The following ELAVL4 variants were observed in gnomAD, a reference collection of about 807,000 sequenced individuals.
ELAVL4 encodes the protein ELAV-like protein 4.
In ELAVL4, 1 loss-of-function variant was observed where a neutral mutation model predicts 35.6. That is an observed-to-expected ratio of 0.03 (90% CI 0.01 to 0.13). The LOEUF is 0.13. ELAVL4 is among the 10% of genes least tolerant of loss of function. The pLI is 1.00. For missense variants in ELAVL4, 267 were observed against 464.9 expected, an observed-to-expected ratio of 0.57 and a Z score of 3.91; for synonymous variants, 156 against 171.0, an observed-to-expected ratio of 0.91 and a Z score of 0.69.
chr1:50,121,261 T>C (rs1668984145), intron 1 of ELAVL4, among the ~76,000 whole-genome samples: 1 of 152,070 alleles, frequency 6.6e-6, no homozygotes, highest in Non-Finnish European at 1.5e-5. Flanking sequence ...TAAAACAGAA[T>C]GAATACAACT....
At chr1:50,125,473 T>C (rs1669748008) in intron 1 of ELAVL4, among the ~76,000 whole-genome samples, 1 of 151,964 alleles carries the variant, frequency 6.6e-6, no homozygotes, top group South Asian at 2.1e-4. Flanking sequence ...GTCCAACTAC[T>C]AACTCTTGGA....
intron 1 of ELAVL4, among the ~76,000 whole-genome samples, chr1:50,138,620 C>T (rs930028189): frequency 6.6e-6 from 1 of 152,054 alleles, no homozygotes; most frequent in Admixed American, 6.6e-5. Flanking sequence ...CACCCGCCAT[C>T]ATGCCTGGCA....
chr1:50,188,745 C>G (rs1412026841), intron 3 of ELAVL4, among the ~76,000 whole-genome samples: 4 of 152,220 alleles, frequency 2.6e-5, no homozygotes, highest in African/African-American at 9.6e-5. Context: ...AAGCAGGCAG[C>G]ATTTGAGCCT....
At chr1:50,199,141 G>A (rs1031986650) in intron 6 of ELAVL4, among the ~76,000 whole-genome samples, 3 of 152,212 alleles carry the variant, frequency 2.0e-5, no homozygotes, top group East Asian at 1.9e-4. Context: ...AAACAAGAGG[G>A]AAGATTGACT....
chr1:50,147,218 G>A (rs1673881792), intron 2 of ELAVL4, among the ~76,000 whole-genome samples: 1 of 152,132 alleles, frequency 6.6e-6, no homozygotes, highest in Non-Finnish European at 1.5e-5. Context: ...TATTTGTAGA[G>A]AGCTTATGGG....
chr1:50,068,756 G>A (rs1664381974), intron 1 of ELAVL4, among the ~76,000 whole-genome samples: 1 of 152,210 alleles, frequency 6.6e-6, no homozygotes, highest in Non-Finnish European at 1.5e-5. Flanking sequence ...GATAAGTTAA[G>A]ATGGCTATGG....
intron 1 of ELAVL4, among the ~76,000 whole-genome samples, chr1:50,113,580 C>T (rs978154471): frequency 4.6e-5 from 7 of 151,948 alleles, no homozygotes; most frequent in Admixed American, 6.6e-5. Flanking sequence ...GCTAAACACA[C>T]GAGTATGCGC....
chr1:50,116,438 G>T (rs1338254307), intron 1 of ELAVL4, among the ~76,000 whole-genome samples: 2 of 150,746 alleles, frequency 1.3e-5, no homozygotes, highest in Non-Finnish European at 3.0e-5. Flanking sequence ...GTGTGTGTGT[G>T]TCATGTGTTG....
At chr1:50,060,209 A>G (rs1277321566) in intron 1 of ELAVL4, among the ~76,000 whole-genome samples, 1 of 152,230 alleles carries the variant, frequency 6.6e-6, no homozygotes. Context: ...AAGTAAAAAC[A>G]GAATAGTCAA....
chr1:50,166,877 G>A (rs1286292916), intron 2 of ELAVL4, among the ~76,000 whole-genome samples: 2 of 152,168 alleles, frequency 1.3e-5, no homozygotes, highest in East Asian at 3.8e-4. Context: ...AAGTGTCCAG[G>A]CAGCAATCTT....
intron 2 of ELAVL4, among the ~76,000 whole-genome samples, chr1:50,168,986 A>G (rs535646492): frequency 6.3e-4 from 93 of 147,142 alleles, no homozygotes; most frequent in African/African-American, 1.7e-3. Flanking sequence ...ATATATATGT[A>G]TATATATATA....
intron 1 of ELAVL4, among the ~76,000 whole-genome samples, chr1:50,052,690 C>A (rs1030850703): frequency 6.6e-6 from 1 of 152,174 alleles, no homozygotes; most frequent in Non-Finnish European, 1.5e-5. Flanking sequence ...CACACAAGCA[C>A]CTTTGTTCAC....
At chr1:50,087,622 G>C (rs1169675493) in intron 1 of ELAVL4, among the ~76,000 whole-genome samples, 1 of 152,132 alleles carries the variant, frequency 6.6e-6, no homozygotes, top group Non-Finnish European at 1.5e-5. Flanking sequence ...TTTGCATATT[G>C]AAGCTCTAGC....
At chr1:50,114,799 G>A (rs1404004202) in intron 1 of ELAVL4, 1 of 152,026 alleles carries the variant, frequency 6.6e-6, no homozygotes, top group Admixed American at 6.6e-5. Flanking sequence ...TAAGTATTCA[G>A]GCAGTGTATT....
chr1:50,071,922 C>T (rs1664547748), intron 1 of ELAVL4, among the ~76,000 whole-genome samples: 1 of 152,082 alleles, frequency 6.6e-6, no homozygotes, highest in South Asian at 2.1e-4. Context: ...CATAAATTGA[C>T]ATAAATGCAT....
At chr1:50,199,406 T>C (rs1238168929) in intron 6 of ELAVL4, among the ~76,000 whole-genome samples, 3 of 152,186 alleles carry the variant, frequency 2.0e-5, no homozygotes, top group Non-Finnish European at 4.4e-5. Flanking sequence ...CAAGAAACTA[T>C]TCAGTGTATA....
chr1:50,169,826 A>C (rs143618973), intron 2 of ELAVL4, among the ~76,000 whole-genome samples: 60 of 152,292 alleles, frequency 3.9e-4, no homozygotes, highest in African/African-American at 1.3e-3. Context: ...CTCTGTTCTT[A>C]TATATAGCTT....
intron 2 of ELAVL4, among the ~76,000 whole-genome samples, chr1:50,173,596 C>T (rs1679432792): frequency 6.6e-6 from 1 of 152,198 alleles, no homozygotes; most frequent in Non-Finnish European, 1.5e-5. Flanking sequence ...GCCAAATGCT[C>T]ACTATAGTTT....
rs376965532 is a variant in ELAVL4 at position 50,121,341 on chromosome 1, A to G, written c.9+12143A>G. Reference sequence around the variant, plus strand: ...CTCTATTGGACAGGATAATAATATTAGTAAGTTACTAGATTCTAGTTTTAC... The same window carrying G: ...CTCTATTGGACAGGATAATAATATTGGTAAGTTACTAGATTCTAGTTTTAC... On this transcript the variant is annotated intron_variant, in intron 1 of 6. Coordinates refer to ENST00000371824, the MANE Select transcript of ELAVL4 (RefSeq NM_001144774.3). Among the ~76,000 whole-genome samples, 42 of 152,188 alleles carry G rather than the reference A, an allele frequency of 2.8e-4. No individual in the cohort carries two copies. In the East Asian group the frequency reaches 6.4e-3, roughly 23 times the overall value.
Sources: gnomAD v4.1 joint callset for allele counts (sites outside exome capture counted in the v4.1 genomes callset) on GRCh38, gnomAD v4.1.1 for gene constraint, MANE v1.5 for transcripts, NCBI Gene and HGNC (gene_info 2026-07-23, HGNC 2026-07-21) for gene names.